The following ZNF432 variants were observed in gnomAD, a reference collection of about 807,000 sequenced individuals.
ZNF432 encodes the protein zinc finger protein 432.
Under a neutral mutation model 13.9 loss-of-function variants are expected in ZNF432, and 10 were observed. That is an observed-to-expected ratio of 0.72 (90% CI 0.44 to 1.22). ZNF432 has a LOEUF of 1.22. ZNF432 is among the 50% of genes most tolerant of loss of function. The probability of loss-of-function intolerance (pLI) is 0.00; values close to 1 mark genes in which losing one functional copy is unlikely to be tolerated. For synonymous variants in ZNF432, 247 were observed against 256.2 expected, an observed-to-expected ratio of 0.96 and a Z score of 0.34; for missense variants, 793 against 796.2, an observed-to-expected ratio of 1.00 and a Z score of 0.05.
In ZNF432 at chr19:52,034,345, A is replaced by T. The variant is rs768288389; in HGVS notation, c.1334T>A (p.Ile445Asn). 9.9e-6 allele frequency: 16 copies of T among 1,613,856 alleles called. No individual in the cohort carries two copies. The highest frequency in any genetic ancestry group is 1.3e-5 in the African/African-American group (1 of 74,980). ...TCCTGTATGAGTTCGCTGATGTATG[A>T]TGAGCATGCTTTTCACAGTAAAACC... is the stretch of plus-strand genomic sequence containing the variant. ...GKGFTVKSML[I>N]IHQRTHTGEK... Residue 445 changes from isoleucine to asparagine, a missense_variant, in exon 5 of 5, where the codon ATC becomes AAC. Physicochemically the swap from Ile to Asn is moderately radical, Grantham distance 149. Transcript: ENST00000221315.
Position 52,047,084 on chromosome 19 carries a change from G to A in ZNF432, c.-192-24C>T. 4 of 473,608 alleles carry A rather than the reference G, an allele frequency of 8.4e-6. No homozygotes were observed. The South Asian group carries it at 1.9e-4, about 23-fold the overall frequency. The allele number at this position is 473,608 out of a possible 1,614,324, so 29.3% of individuals were successfully genotyped here. On this transcript the variant is annotated intron_variant, in intron 1 of 4. Coordinates refer to ENST00000221315, the MANE Select transcript of ZNF432 (RefSeq NM_014650.4). ...GACTGAAGAGCAAAACAACTTTCAG[G>A]GGTACATTCACCTTAACACGTGGCC...
chr19:52,048,180 C>CAAAAAA (rs986523452), intron 1 of ZNF432, among the ~76,000 whole-genome samples: 2 of 145,858 alleles, frequency 1.4e-5, no homozygotes, highest in African/African-American at 5.4e-5. Flanking sequence ...CACACACACA[C>CAAAAAA]ACAAAACCAG....
At chr19:52,046,797 G>A (rs1381992902) in intron 2 of ZNF432, 57 bp downstream of exon 2, 12 of 1,532,338 alleles carry the variant, frequency 7.8e-6, no homozygotes, top group South Asian at 7.2e-5. Context: ...GATTTCTTAC[G>A]GGTCTCTACA....
At chr19:52,046,023 A>G (rs1475079936) in intron 2 of ZNF432, among the ~76,000 whole-genome samples, 1 of 151,776 alleles carries the variant, frequency 6.6e-6, no homozygotes, top group Non-Finnish European at 1.5e-5. Flanking sequence ...AAAAAAAAAA[A>G]AAAGAATTTT....
chr19:52,034,285 C>T lies in ZNF432; in HGVS notation c.1394G>A (p.Gly465Asp), dbSNP rs748643873. The change falls in exon 5 of 5, where the codon GGC becomes GAC. Residue 465 changes from glycine (G) to aspartate (D), a missense_variant. Physicochemically the swap from Gly to Asp is moderately conservative, Grantham distance 94. Coordinates refer to ENST00000221315, the MANE Select transcript of ZNF432 (RefSeq NM_014650.4). ...AATCAGCCGACTCTTCAAGGGGAAG[C>T]CTTTCCCACATTCACTGCATGTGTA... Reference protein sequence around the residue: ...KPYTCSECGKGFPLKSRLIVH... With the variant: ...KPYTCSECGKDFPLKSRLIVH... 6.2e-7 allele frequency: 1 copy of T among 1,613,852 alleles called. No individual in the cohort carries two copies. The highest frequency in any genetic ancestry group is 8.5e-7 in the Non-Finnish European group (1 of 1,179,850).
At chr19:52,047,096 C>T (rs766722539) in intron 1 of ZNF432, 36 bp from the exon 2 acceptor site, 88 of 458,228 alleles carry the variant, frequency 1.9e-4, no homozygotes, top group Non-Finnish European at 3.1e-4. Context: ...GTACATTCAC[C>T]TTAACACGTG....
At chr19:52,040,360 G>C (rs1157359656) in intron 4 of ZNF432, 128 bp downstream of exon 4, 2 of 789,496 alleles carry the variant, frequency 2.5e-6, no homozygotes, top group African/African-American at 3.4e-5. Context: ...AAGATGGGAA[G>C]GGTTTCTTGT....
rs765106565 is a variant in ZNF432 at position 52,040,498 on chromosome 19, T to G, written c.228A>C (p.Arg76=). ...CTGCTTCTCACATACCTGGACAGAT[T>G]CGACTGTGCCTTTCATCTTCCATTG... ...PWTMEDERHS[R]ICPENNEVDD... is the part of the protein sequence containing the mutation. The change falls in exon 4 of 5, where the codon CGA becomes CGC. Residue 76 remains arginine (R), a synonymous_variant. Coordinates refer to ENST00000221315, the MANE Select transcript of ZNF432 (RefSeq NM_014650.4). 1.9e-6 allele frequency: 3 copies of G among 1,614,124 alleles called. No individual in the cohort carries two copies. The highest frequency in any genetic ancestry group is 1.7e-6 in the Non-Finnish European group (2 of 1,179,962).
At chr19:52,048,176 C>A (rs1430774822) in intron 1 of ZNF432, among the ~76,000 whole-genome samples, 3 of 144,812 alleles carry the variant, frequency 2.1e-5, no homozygotes, top group African/African-American at 8.1e-5. Flanking sequence ...CACACACACA[C>A]ACACACAAAA....
chr19:52,039,052 A>C (rs2087109965), intron 4 of ZNF432, among the ~76,000 whole-genome samples: 1 of 152,248 alleles, frequency 6.6e-6, no homozygotes, highest in Non-Finnish European at 1.5e-5. Flanking sequence ...AAACCTAATC[A>C]AAACTCTGGC....
In ZNF432 at chr19:52,034,905, CT is replaced by C; in HGVS notation, c.773del (p.Glu258GlyfsTer15). 1.2e-6 allele frequency: 2 copies of C among 1,613,268 alleles called. No homozygotes were observed. The highest frequency in any genetic ancestry group is 1.7e-6 in the Non-Finnish European group (2 of 1,179,738). On this transcript the variant is annotated frameshift_variant, in exon 5 of 5. Transcript: ENST00000221315. LOFTEE classifies it low-confidence loss of function (END_TRUNC). Reference protein sequence around the residue: ...LNEHQRIHKREKSFICSECGK... With the variant: ...LNEHQRIHKRXKSFICSECGK... ...CACATTCACTGCATATAAAAGATTT[CT>C]CTCTTTTATGAATTCTTTGATGTTC...
chr19:52,036,929 C>T (rs2087087529), intron 4 of ZNF432, among the ~76,000 whole-genome samples: 1 of 152,226 alleles, frequency 6.6e-6, no homozygotes, highest in South Asian at 2.1e-4. Flanking sequence ...CCTCTGCTTC[C>T]CAAAGTGCTG....
intron 2 of ZNF432, among the ~76,000 whole-genome samples, chr19:52,045,409 T>G (rs1397205132): frequency 7.2e-6 from 1 of 138,190 alleles, no homozygotes; most frequent in African/African-American, 2.8e-5. Flanking sequence ...CAGGCTGGAG[T>G]GCAATGGCAT....
chr19:52,043,335 T>C (rs1287918448), intron 2 of ZNF432, among the ~76,000 whole-genome samples: 2 of 152,234 alleles, frequency 1.3e-5, no homozygotes, highest in Non-Finnish European at 2.9e-5. Flanking sequence ...CGGTGCAAGA[T>C]GTGCTTTGTT....
chr19:52,033,926 C>T lies in ZNF432; in HGVS notation c.1753G>A (p.Ala585Thr). 5 of 1,613,834 alleles carry T rather than the reference C, an allele frequency of 3.1e-6. No homozygotes were observed. The highest frequency in any genetic ancestry group is 4.2e-6 in the Non-Finnish European group (5 of 1,179,872). ...CCAGTATGAACTTGCTTATGTAAAG[C>T]AAGCTCTGTTTCCTTGGCAAAGCCT... ...GRGFAKETEL[A>T]LHKQVHTGEK... The change falls in exon 5 of 5, where the codon GCT (alanine) becomes ACT (threonine). Residue 585 changes from alanine (A) to threonine (T), a missense_variant. Coordinates refer to ENST00000221315, the MANE Select transcript of ZNF432 (RefSeq NM_014650.4).
chr19:52,034,607 GT>G lies in ZNF432; in HGVS notation c.1071del (p.Lys357AsnfsTer28). 6.2e-7 allele frequency: 1 copy of G among 1,609,486 alleles called. No homozygotes were observed. Among genetic ancestry groups the G allele is most frequent in the South Asian group, 1.1e-5 (1 of 90,836 alleles). ...TTTCGTTGATGTATGATGACATAGT[GT>G]TTTGTGGTGAAGCCTTTCCCACATT... ...CSECGKGFTT[K>X]HYVIIHQRNH... is the part of the protein sequence containing the mutation. On this transcript the variant is annotated frameshift_variant, in exon 5 of 5. Transcript: ENST00000221315. LOFTEE classifies it low-confidence loss of function (END_TRUNC).
rs2087058620 is a variant in ZNF432 at position 52,034,763 on chromosome 19, C to T, written c.916G>A (p.Val306Ile). 4 of 1,612,592 alleles carry T rather than the reference C, an allele frequency of 2.5e-6. No homozygotes were observed. The East Asian group carries it at 8.9e-5, about 36-fold the overall frequency. ...KGFPGKRNLI[V>I]HQRNHTGEKS... ...TCTCCAGTATGATTTCGCTGATGTA[C>T]AATGAGATTACGCTTGCCTGGGAAG... is the stretch of plus-strand genomic sequence containing the variant. Residue 306 changes from valine (V) to isoleucine (I), a missense_variant, in exon 5 of 5, where the codon GTA becomes ATA. By Grantham distance (29) the Val-to-Ile change is conservative. Coordinates refer to ENST00000221315, the MANE Select transcript of ZNF432 (RefSeq NM_014650.4).
chr19:52,041,678 A>C, intron 2 of ZNF432, 72 bp from the exon 3 acceptor site: 1 of 1,596,218 alleles, frequency 6.3e-7, no homozygotes. Context: ...AGTGAAGGGA[A>C]GTTGTCCCGC....
intron 4 of ZNF432, among the ~76,000 whole-genome samples, chr19:52,037,680 C>G (rs959764457): frequency 2.0e-5 from 3 of 151,222 alleles, no homozygotes; most frequent in African/African-American, 7.3e-5. Flanking sequence ...GTTTCAGCTA[C>G]TTGGGATGTT....
Sources: gnomAD v4.1 joint callset for allele counts (sites outside exome capture counted in the v4.1 genomes callset) on GRCh38, gnomAD v4.1.1 for gene constraint, MANE v1.5 for transcripts, NCBI Gene and HGNC (gene_info 2026-07-23, HGNC 2026-07-21) for gene names.